Variants in ZNF143 observed in about 807,000 individuals in gnomAD.
ZNF143 encodes SPH-binding factor.
Under a neutral mutation model 74.1 loss-of-function variants are expected in ZNF143, and 49 were observed. That is an observed-to-expected ratio of 0.66 (90% CI 0.53 to 0.84). The LOEUF is 0.84. ZNF143 is among the 40% of genes least tolerant of loss of function. ZNF143 has a pLI of 0.00. For synonymous variants in ZNF143, 304 were observed against 282.8 expected, an observed-to-expected ratio of 1.07 and a Z score of -0.75; for missense variants, 637 against 793.4, an observed-to-expected ratio of 0.80 and a Z score of 2.37.
intron 7 of ZNF143, among the ~76,000 whole-genome samples, chr11:9,488,287 C>CAG (rs1476294666): frequency 6.6e-6 from 1 of 152,176 alleles, no homozygotes; most frequent in Non-Finnish European, 1.5e-5. Context: ...GAATAAAACA[C>CAG]AGAGGTGATC....
chr11:9,497,480 C>T (rs1300944155), intron 9 of ZNF143, among the ~76,000 whole-genome samples, 195 bp from the exon 10 acceptor site: 1 of 152,182 alleles, frequency 6.6e-6, no homozygotes, highest in Non-Finnish European at 1.5e-5. Flanking sequence ...ATCCGCCCGC[C>T]TTGGCATTCC....
At chr11:9,464,892 C>T (rs2133815542) in intron 1 of ZNF143, among the ~76,000 whole-genome samples, 1 of 152,030 alleles carries the variant, frequency 6.6e-6, no homozygotes, top group East Asian at 1.9e-4. Flanking sequence ...CACTGTATTC[C>T]AGCCTGGGCG....
chr11:9,513,926 T>G (rs1174895710), intron 13 of ZNF143, among the ~76,000 whole-genome samples: 1 of 152,256 alleles, frequency 6.6e-6, no homozygotes, highest in Non-Finnish European at 1.5e-5. Context: ...AGAGGCAATC[T>G]GTTCCATTGT....
At chr11:9,505,938 A>ATATG (rs1001610019) in intron 11 of ZNF143, among the ~76,000 whole-genome samples, 1 of 151,926 alleles carries the variant, frequency 6.6e-6, no homozygotes, top group Non-Finnish European at 1.5e-5. Flanking sequence ...TTATTAAAAT[A>ATATG]TATGTGCTTA....
At chr11:9,506,734 A>G (rs1848377318) in intron 11 of ZNF143, among the ~76,000 whole-genome samples, 2 of 152,232 alleles carry the variant, frequency 1.3e-5, no homozygotes, top group Non-Finnish European at 2.9e-5. Context: ...ATGATCAGGT[A>G]ATTGCTACAA....
chr11:9,467,650 C>T (rs1362134443), intron 1 of ZNF143, among the ~76,000 whole-genome samples: 2 of 151,740 alleles, frequency 1.3e-5, no homozygotes, highest in African/African-American at 4.8e-5. Context: ...GTTCAAGACC[C>T]GCCTGGCCAG....
intron 8 of ZNF143, among the ~76,000 whole-genome samples, chr11:9,495,131 T>C (rs1032589122): frequency 2.6e-5 from 4 of 152,218 alleles, no homozygotes; most frequent in Non-Finnish European, 5.9e-5. Flanking sequence ...CAAAAGTTGG[T>C]GTTAATTTGG....
intron 1 of ZNF143, among the ~76,000 whole-genome samples, chr11:9,461,372 AAGGGGAGGGAGTGAAAG>A (rs890966249): frequency 1.3e-5 from 2 of 152,116 alleles, no homozygotes; most frequent in African/African-American, 4.8e-5. Flanking sequence ...GGGGACCGCC[AAGGGGAGGGAGTGAAAG>A]AGGGGAGGGT....
At chr11:9,489,573 A>T (rs1847692204) in intron 7 of ZNF143, among the ~76,000 whole-genome samples, 2 of 152,214 alleles carry the variant, frequency 1.3e-5, no homozygotes, top group Non-Finnish European at 2.9e-5. Context: ...GTTTCATACC[A>T]GAATCGAAGC....
chr11:9,485,347 C>CTTTTTTTTTT (rs544497040), intron 7 of ZNF143, among the ~76,000 whole-genome samples: 1 of 110,446 alleles, frequency 9.1e-6, no homozygotes, highest in Non-Finnish European at 1.9e-5. Context: ...TTCTCTCTCT[C>CTTTTTTTTTT]TTTTTTTTTT....
rs1848443096 is a variant in ZNF143, at chr11:9,508,665, T to C, written c.1194T>C (p.Phe398=). 1 of 1,613,860 alleles carries C rather than the reference T, an allele frequency of 6.2e-7. No homozygotes were observed. Among genetic ancestry groups the C allele is most frequent in the South Asian group, 1.1e-5 (1 of 91,084 alleles). Residue 398 remains phenylalanine, a synonymous_variant, in exon 12 of 16, where the codon TTT becomes TTC. Coordinates refer to ENST00000396602, the MANE Select transcript of ZNF143 (RefSeq NM_003442.6). ...CAGTTCCTGGGTGTGACAAAAGGTT[T>C]ACAGAATATTCCAGTTTGTACAAAC... ...VCTVPGCDKR[F]TEYSSLYKHH...
intron 11 of ZNF143, among the ~76,000 whole-genome samples, chr11:9,505,568 C>T (rs1282535456): frequency 4.6e-5 from 7 of 151,824 alleles, no homozygotes; most frequent in African/African-American, 1.7e-4. Flanking sequence ...CATGTACCTA[C>T]GAATGAGTTC....
At chr11:9,485,907 A>G (rs1021605821) in intron 7 of ZNF143, among the ~76,000 whole-genome samples, 1 of 151,386 alleles carries the variant, frequency 6.6e-6, no homozygotes, top group Admixed American at 6.6e-5. Context: ...AGACAATACA[A>G]TGCAATGTTT....
At position 9,501,243 on chromosome 11, in the gene ZNF143, T is replaced by C; in HGVS notation, c.1120T>C (p.Tyr374His). The part of the protein sequence containing the change: ...CGRAFASATN[Y>H]KNHVRIHTGE... ...GAGGGCATTTGCCAGTGCAACAAAT[T>C]ATAAAAACCATGTGAGGATACACAC... Residue 374 changes from tyrosine to histidine, a missense_variant, in exon 11 of 16, where the codon TAT (tyrosine) becomes CAT (histidine). Around this residue, in one of 2 missense-constraint regions of ZNF143, gnomAD observed 344 missense variants for 485.6 expected, o/e 0.71. Transcript: ENST00000396602. The C allele has an allele frequency of 6.2e-7, 1 of 1,614,102 alleles. No individual in the cohort carries two copies. Among genetic ancestry groups the C allele is most frequent in the Non-Finnish European group, 8.5e-7 (1 of 1,180,010 alleles).
intron 11 of ZNF143, among the ~76,000 whole-genome samples, chr11:9,507,198 G>A (rs1222224682): frequency 6.6e-6 from 1 of 152,052 alleles, no homozygotes; most frequent in Non-Finnish European, 1.5e-5. Flanking sequence ...CACTGCGAAA[G>A]GTGCAGTTAC....
At position 9,490,458 on chromosome 11, in the gene ZNF143, A is replaced by AT. The variant is rs906177093; in HGVS notation, c.646-4180dup. 5.3e-5 allele frequency among the ~76,000 whole-genome samples: 8 copies of AT among 150,532 alleles called. 1 individual carries two copies. The highest frequency in any genetic ancestry group is 1.7e-4 in the African/African-American group (7 of 41,018). Reference sequence around the variant, plus strand: ...ACCACCATGCCCAGCTAATTTTTATATTTTTTTTGTAGAGATGGGGTTTTG... The same window carrying AT: ...ACCACCATGCCCAGCTAATTTTTATATTTTTTTTTGTAGAGATGGGGTTTTG... On this transcript the variant is annotated intron_variant, in intron 7 of 15. Coordinates refer to ENST00000396602, the MANE Select transcript of ZNF143 (RefSeq NM_003442.6).
At position 9,521,920 on chromosome 11, in the gene ZNF143, G is replaced by A. The variant is rs574319445; in HGVS notation, c.1687-3320G>A. On this transcript the variant is annotated intron_variant, in intron 14 of 15. Transcript: ENST00000396602. Reference sequence around the variant, plus strand: ...CATCTCTACTAAAAATACAAAATTAGCCAGGTGTGGTGGCGCATGCCAGTA... The same window carrying A: ...CATCTCTACTAAAAATACAAAATTAACCAGGTGTGGTGGCGCATGCCAGTA... Among the ~76,000 whole-genome samples the A allele has an allele frequency of 1.6e-3, 239 of 152,044 alleles. 1 individual carries two copies. Among genetic ancestry groups the A allele is most frequent in the Non-Finnish European group, 2.4e-3 (164 of 67,968 alleles).
intron 1 of ZNF143, among the ~76,000 whole-genome samples, chr11:9,462,260 C>CTTT (rs67444530): frequency 5.5e-5 from 8 of 144,390 alleles, no homozygotes; most frequent in African/African-American, 1.8e-4. Context: ...ACTTGAGTGC[C>CTTT]TTTTTTTTTT....
chr11:9,468,643 A>T (rs1372675802), intron 1 of ZNF143, among the ~76,000 whole-genome samples: 1 of 152,168 alleles, frequency 6.6e-6, no homozygotes, highest in Non-Finnish European at 1.5e-5. Flanking sequence ...TACTTCACTG[A>T]ATTATATTTA....
Sources: gnomAD v4.1 joint callset for allele counts (sites outside exome capture counted in the v4.1 genomes callset) on GRCh38, gnomAD v4.1.1 for gene constraint, gnomAD v4.1.1 regional missense constraint, MANE v1.5 for transcripts, NCBI Gene and HGNC (gene_info 2026-07-23, HGNC 2026-07-21) for gene names.